The following ALDH3A1 variants were observed in gnomAD, a reference collection of about 807,000 sequenced individuals.
The protein encoded by ALDH3A1 is aldehyde dehydrogenase 3 family member A1, also known as aldehyde dehydrogenase, dimeric NADP-preferring.
ALDH3A1 carries 46 observed loss-of-function variants against 49.9 expected under a neutral mutation model. The observed-to-expected ratio is 0.92, with a 90% CI of 0.73 to 1.18. The LOEUF (loss-of-function observed/expected upper bound fraction) is 1.18. Ranked by LOEUF, ALDH3A1 falls within the 50% of genes most tolerant of loss-of-function variation. The probability of loss-of-function intolerance (pLI) is 0.00; values close to 1 mark genes in which losing one functional copy is unlikely to be tolerated. For missense variants in ALDH3A1, 592 were observed against 611.8 expected, an observed-to-expected ratio of 0.97 and a Z score of 0.34; for synonymous variants, 269 against 253.3, an observed-to-expected ratio of 1.06 and a Z score of -0.59.
intron 3 of ALDH3A1, 128 bp from the exon 4 acceptor site, chr17:19,742,758 C>G: frequency 1.9e-6 from 3 of 1,551,006 alleles, no homozygotes; most frequent in Non-Finnish European, 2.6e-6. Flanking sequence ...GAGTTGTTAG[C>G]AAACAAGCAC....
intron 5 of ALDH3A1, 61 bp downstream of exon 5, chr17:19,741,943 G>A (rs372734283): frequency 8.2e-4 from 1,251 of 1,524,574 alleles, no homozygotes; most frequent in Non-Finnish European, 1.1e-3. Context: ...ATGAGGTGCA[G>A]TCATGTGTGC....
In ALDH3A1 at chr17:19,738,238, G is replaced by C. The variant is rs548172023; in HGVS notation, c.1348-3C>G. ...ACCCCTCCTCAGTGCTGGGTCATCT[G>C]TGAAAGGGACACGGAGTGGGCAGTG... is the stretch of plus-strand genomic sequence containing the variant. On this transcript the variant is annotated splice_polypyrimidine_tract_variant and splice_region_variant and intron_variant, in intron 10 of 10. Transcript: ENST00000225740. 1.7e-5 allele frequency: 27 copies of C among 1,614,046 alleles called. No homozygotes were observed. The highest frequency in any genetic ancestry group is 2.1e-5 in the Non-Finnish European group (25 of 1,179,998).
intron 9 of ALDH3A1, chr17:19,738,679 G>A (rs2086433258): frequency 4.6e-6 from 3 of 655,860 alleles, no homozygotes; most frequent in African/African-American, 3.6e-5. Flanking sequence ...GGTGTCCCCA[G>A]GGCATCCACA....
Sources: allele counts gnomAD v4.1 joint callset, GRCh38; gene constraint gnomAD v4.1.1; transcripts MANE v1.5; gene names NCBI Gene and HGNC (gene_info 2026-07-23, HGNC 2026-07-21).